COL3A1: variants seen among roughly 807,000 people sequenced by gnomAD.
COL3A1 encodes the protein collagen alpha-1(III) chain.
Under a neutral mutation model 200.9 loss-of-function variants are expected in COL3A1, and 46 were observed. The ratio of observed to expected loss-of-function variants is 0.23; its 90% CI spans 0.18 to 0.29. The LOEUF is 0.29. COL3A1 is among the 10% of genes least tolerant of loss of function. The pLI is 1.00. For synonymous variants in COL3A1, 650 were observed against 628.0 expected (o/e 1.03, Z -0.52); for missense variants, 1,367 against 1,917.6 (o/e 0.71, Z 5.36).
At chr2:188,985,159 C>A in intron 2 of COL3A1, 38 bp from the exon 3 acceptor site, 2 of 1,595,692 alleles carry the variant, frequency 1.3e-6, no homozygotes, top group South Asian at 1.1e-5. Context: ...TATGCAAATT[C>A]TGTGTCTTGT....
intron 47 of COL3A1, chr2:189,008,469 T>C (rs1325535329): frequency 4.7e-6 from 2 of 423,504 alleles, no homozygotes; most frequent in Non-Finnish European, 4.4e-6. Flanking sequence ...TCTGCGTTTA[T>C]GTAGTGCATT....
At chr2:188,991,195 C>A in intron 11 of COL3A1, 138 bp downstream of exon 11, 1 of 867,786 alleles carries the variant, frequency 1.2e-6, no homozygotes, top group Non-Finnish European at 1.8e-6. Flanking sequence ...ATAATGGTAA[C>A]CAATTCAGAT....
At chr2:189,003,122 T>C in intron 36 of COL3A1, 60 bp downstream of exon 36, 1 of 1,306,802 alleles carries the variant, frequency 7.7e-7, no homozygotes, top group Non-Finnish European at 1.1e-6. Flanking sequence ...ATTGATTATC[T>C]GTCTATCTCT....
At chr2:188,975,305 A>G (rs1473514464) in intron 1 of COL3A1, among the ~76,000 whole-genome samples, 1 of 152,198 alleles carries the variant, frequency 6.6e-6, no homozygotes, top group Non-Finnish European at 1.5e-5. Context: ...CTTTGCTGCA[A>G]ACAAGGTAAA....
At chr2:189,007,401 A>G (rs1688617705) in intron 44 of COL3A1, 99 bp from the exon 45 acceptor site, 1 of 965,534 alleles carries the variant, frequency 1.0e-6, no homozygotes. Context: ...TTTTTAGCTG[A>G]TAGAAAGCCA....
At chr2:189,011,460 A>G (rs928883381) in intron 50 of COL3A1, among the ~76,000 whole-genome samples, 168 bp from the exon 51 acceptor site, 1 of 152,226 alleles carries the variant, frequency 6.6e-6, no homozygotes, top group Non-Finnish European at 1.5e-5. Flanking sequence ...ATTGTTTATC[A>G]ACTAAGAAGA....
chr2:189,009,836 G>A (rs1323795953), intron 48 of COL3A1, among the ~76,000 whole-genome samples: 3 of 152,060 alleles, frequency 2.0e-5, no homozygotes, highest in South Asian at 2.1e-4. Context: ...AACAAATCTA[G>A]GTTAGACAAC....
chr2:188,998,362 TACACA>T, intron 28 of COL3A1, 43 bp downstream of exon 28: 1 of 1,527,122 alleles, frequency 6.5e-7, no homozygotes, highest in Non-Finnish European at 9.1e-7. Flanking sequence ...ACAAAAAGAA[TACACA>T]CTGTTTGTTT....
At chr2:188,985,883 T>C in intron 4 of COL3A1, 105 bp downstream of exon 4, 1 of 774,218 alleles carries the variant, frequency 1.3e-6, no homozygotes, top group African/African-American at 1.7e-5. Flanking sequence ...TTTGTATCTG[T>C]TCTCTGATTC....
chr2:188,996,222 T>C (rs1448225939), intron 23 of COL3A1, 44 bp downstream of exon 23: 2 of 1,549,854 alleles, frequency 1.3e-6, no homozygotes, highest in Non-Finnish European at 1.8e-6. Context: ...CCAGTTAAAA[T>C]GGAATGTATA....
intron 16 of COL3A1, 147 bp downstream of exon 16, chr2:188,993,606 A>G: frequency 1.4e-6 from 1 of 721,024 alleles, no homozygotes; most frequent in Non-Finnish European, 2.4e-6. Flanking sequence ...GTGCTCTAAA[A>G]TGATCCTCCT....
chr2:189,007,974 T>C (rs775901014), intron 46 of COL3A1, 36 bp downstream of exon 46: 1 of 1,614,096 alleles, frequency 6.2e-7, no homozygotes, highest in Admixed American at 1.7e-5. Flanking sequence ...GGTCCACATG[T>C]TTCAGATGTC....
At chr2:188,985,891 T>G (rs1305531604) in intron 4 of COL3A1, 113 bp downstream of exon 4, 2 of 744,570 alleles carry the variant, frequency 2.7e-6, no homozygotes, top group Non-Finnish European at 4.8e-6. Context: ...TGTTCTCTGA[T>G]TCAGTGTATT....
At chr2:188,974,627 A>C (rs1483055714) in intron 1 of COL3A1, 59 bp downstream of exon 1, 4 of 1,373,550 alleles carry the variant, frequency 2.9e-6, no homozygotes, top group Non-Finnish European at 4.2e-6. Flanking sequence ...TCTCCTCACA[A>C]AGAGGGGTGT....
intron 1 of COL3A1, among the ~76,000 whole-genome samples, chr2:188,978,756 C>CAAAA (rs55694521): frequency 1.9e-4 from 17 of 87,780 alleles, no homozygotes; most frequent in African/African-American, 6.7e-4. Flanking sequence ...TTTCCACACT[C>CAAAA]AAAAAAAAAA....
chr2:189,008,017 G>C lies in COL3A1; in HGVS notation c.3418-18G>C, dbSNP rs1385483472. On this transcript the variant is annotated intron_variant, in intron 46 of 50. Coordinates refer to ENST00000304636, the MANE Select transcript of COL3A1 (RefSeq NM_000090.4). ...CAGAAAGATATTCTGGCATTGTGAT[G>C]TCATGATACTTTCTTAGGGACCTGT... 6.2e-7 allele frequency: 1 copy of C among 1,614,042 alleles called. No individual in the cohort carries two copies. Among genetic ancestry groups the C allele is most frequent in the Non-Finnish European group, 8.5e-7 (1 of 1,179,924 alleles).
At chr2:188,995,614 C>T (rs1316843725) in intron 21 of COL3A1, 78 bp from the exon 22 acceptor site, 2 of 1,009,314 alleles carry the variant, frequency 2.0e-6, no homozygotes, top group Non-Finnish European at 3.0e-6. Flanking sequence ...GACGTCCTCT[C>T]TTTGTAACCA....
intron 32 of COL3A1, 128 bp from the exon 33 acceptor site, chr2:189,001,269 C>T (rs1049932491): frequency 8.5e-5 from 70 of 822,736 alleles, no homozygotes; most frequent in Non-Finnish European, 5.6e-5. Flanking sequence ...AGCATTCAAG[C>T]CATAAAAATT....
At chr2:188,978,076 A>G in intron 1 of COL3A1, 1 of 415,278 alleles carries the variant, frequency 2.4e-6, no homozygotes, top group Non-Finnish European at 4.8e-6. Context: ...AAAAATTTGG[A>G]TTTTCAAAAC....
Sources: gnomAD v4.1 joint callset for allele counts (sites outside exome capture counted in the v4.1 genomes callset) on GRCh38, gnomAD v4.1.1 for gene constraint, MANE v1.5 for transcripts, NCBI Gene and HGNC (gene_info 2026-07-23, HGNC 2026-07-21) for gene names.